The following ME3 variants were observed in gnomAD, a reference collection of about 807,000 sequenced individuals.
ME3 encodes NADP-dependent malic enzyme, mitochondrial.
In ME3, 48 loss-of-function variants were observed where a neutral mutation model predicts 68.9. The ratio of observed to expected loss-of-function variants is 0.70; its 90% CI spans 0.55 to 0.89. ME3 has a LOEUF of 0.89. Ranked by LOEUF, ME3 falls within the 40% of genes least tolerant of loss-of-function variation. The pLI is 0.00. For missense variants in ME3, 675 were observed against 797.4 expected (o/e 0.85, Z 1.85); for synonymous variants, 320 against 318.8 (o/e 1.00, Z -0.04).
chr11:86,583,778 A>G (rs1958576452), intron 2 of ME3, among the ~76,000 whole-genome samples: 1 of 152,224 alleles, frequency 6.6e-6, no homozygotes, highest in Non-Finnish European at 1.5e-5. Flanking sequence ...GTATATCCAC[A>G]TGTAAAATAA....
chr11:86,622,319 A>G (rs909924859), intron 2 of ME3, among the ~76,000 whole-genome samples: 1 of 152,044 alleles, frequency 6.6e-6, no homozygotes, highest in South Asian at 2.1e-4. Context: ...GAGTCATTTA[A>G]AAATGCATTA....
At chr11:86,484,504 C>T (rs1261541522) in intron 7 of ME3, among the ~76,000 whole-genome samples, 1 of 152,180 alleles carries the variant, frequency 6.6e-6, no homozygotes, top group Non-Finnish European at 1.5e-5. Flanking sequence ...GACGCATGCC[C>T]CTCCCCAAGG....
At chr11:86,527,443 C>T (rs988220844) in intron 4 of ME3, among the ~76,000 whole-genome samples, 1 of 152,058 alleles carries the variant, frequency 6.6e-6, no homozygotes, top group Non-Finnish European at 1.5e-5. Context: ...AATACTCTGC[C>T]GGATATTATA....
intron 2 of ME3, among the ~76,000 whole-genome samples, chr11:86,584,207 T>C (rs763650597): frequency 1.2e-4 from 19 of 152,126 alleles, no homozygotes; most frequent in Non-Finnish European, 1.9e-4. Context: ...AACAGGTATA[T>C]GAAAAGATGC....
In ME3 at chr11:86,573,620, A is replaced by C. The variant is rs565960730; in HGVS notation, c.184-13797T>G. ...CTCTCTTCCTATCTGAATACACTTT[A>C]TTTCTTTCTCTTGTCTGATTGCCCT... On this transcript the variant is annotated intron_variant, in intron 2 of 14. Coordinates refer to ENST00000543262, the Ensembl canonical transcript of ME3. Among the ~76,000 whole-genome samples, 263 of 151,852 alleles carry C rather than the reference A, an allele frequency of 1.7e-3. 1 individual carries two copies. Among genetic ancestry groups the C allele is most frequent in the Non-Finnish European group, 1.8e-3 (124 of 68,004 alleles).
intron 4 of ME3, among the ~76,000 whole-genome samples, chr11:86,538,850 C>T (rs1200776472): frequency 3.3e-5 from 5 of 152,204 alleles, no homozygotes; most frequent in Non-Finnish European, 5.9e-5. Flanking sequence ...CTACCCTGGC[C>T]AGTGGAGCCA....
intron 7 of ME3, among the ~76,000 whole-genome samples, chr11:86,470,839 A>G (rs553675945): frequency 6.6e-5 from 10 of 152,022 alleles, no homozygotes; most frequent in Non-Finnish European, 1.3e-4. Context: ...CCCTCCCCCA[A>G]TCCATCTTCC....
Position 86,617,958 on chromosome 11 carries a change from G to A in ME3, c.183+53804C>T, listed in dbSNP as rs146826714. ...CAAAGACTATAAATGAGCATGGCCAGAAACCATTATTCAATATCGGACCTG... is the reference window on the plus strand; with the variant it reads ...CAAAGACTATAAATGAGCATGGCCAAAAACCATTATTCAATATCGGACCTG... On this transcript the variant is annotated intron_variant, in intron 2 of 14. Transcript: ENST00000543262. 2.9e-3 allele frequency among the ~76,000 whole-genome samples: 441 copies of A among 152,206 alleles called. 2 individuals carry two copies. Among genetic ancestry groups the A allele is most frequent in the African/African-American group, 0.01 (430 of 41,526 alleles).
At chr11:86,571,225 A>G (rs776343406) in intron 2 of ME3, among the ~76,000 whole-genome samples, 2 of 152,226 alleles carry the variant, frequency 1.3e-5, no homozygotes, top group East Asian at 1.9e-4. Flanking sequence ...TAATTGATAC[A>G]GGATAAGTAT....
At chr11:86,572,787 A>G (rs910304370) in intron 2 of ME3, among the ~76,000 whole-genome samples, 2 of 152,224 alleles carry the variant, frequency 1.3e-5, no homozygotes, top group African/African-American at 2.4e-5. Flanking sequence ...TACTTTGGGT[A>G]TATACCCAGT....
intron 2 of ME3, among the ~76,000 whole-genome samples, chr11:86,632,163 T>C (rs1284844815): frequency 1.3e-5 from 2 of 152,198 alleles, no homozygotes; most frequent in African/African-American, 4.8e-5. Context: ...TCCAACAGCA[T>C]AGTGGTGTGG....
At chr11:86,573,612 TAC>T (rs1443787489) in intron 2 of ME3, among the ~76,000 whole-genome samples, 1 of 152,000 alleles carries the variant, frequency 6.6e-6, no homozygotes, top group Non-Finnish European at 1.5e-5. Flanking sequence ...CCTATCTGAA[TAC>T]ACTTTATTTC....
At chr11:86,627,962 T>C (rs775142485) in intron 2 of ME3, among the ~76,000 whole-genome samples, 1 of 152,192 alleles carries the variant, frequency 6.6e-6, no homozygotes, top group Non-Finnish European at 1.5e-5. Context: ...TGTCTATGCT[T>C]CCAGCTAAAG....
chr11:86,525,204 G>T (rs1253833741), intron 4 of ME3, among the ~76,000 whole-genome samples: 2 of 152,222 alleles, frequency 1.3e-5, no homozygotes, highest in Non-Finnish European at 2.9e-5. Flanking sequence ...TAAAATAGGG[G>T]CAATGAAATG....
At chr11:86,460,172 T>C (rs1950161426) in intron 8 of ME3, among the ~76,000 whole-genome samples, 1 of 152,224 alleles carries the variant, frequency 6.6e-6, no homozygotes, top group Admixed American at 6.5e-5. Flanking sequence ...CCAAAATTCC[T>C]GAGAGGCTGC....
intron 4 of ME3, among the ~76,000 whole-genome samples, chr11:86,555,884 A>G (rs1956900813): frequency 1.3e-5 from 2 of 152,242 alleles, no homozygotes; most frequent in South Asian, 4.1e-4. Flanking sequence ...TACATATACC[A>G]GGTAGCTCTT....
At chr11:86,534,244 T>C (rs1291460712) in intron 4 of ME3, among the ~76,000 whole-genome samples, 1 of 152,156 alleles carries the variant, frequency 6.6e-6, no homozygotes. Flanking sequence ...GTAGACTTTA[T>C]AACACTGTAT....
At chr11:86,610,394 C>T (rs1942474237) in intron 2 of ME3, among the ~76,000 whole-genome samples, 1 of 152,032 alleles carries the variant, frequency 6.6e-6, no homozygotes, top group African/African-American at 2.4e-5. Context: ...AACCATTACT[C>T]CTGATATTTC....
At chr11:86,581,740 A>G (rs1454831758) in intron 2 of ME3, among the ~76,000 whole-genome samples, 4 of 152,136 alleles carry the variant, frequency 2.6e-5, no homozygotes, top group South Asian at 2.1e-4. Flanking sequence ...CTACTCAGCA[A>G]TGGTACCACC....
Sources: allele counts gnomAD v4.1 joint callset (sites outside exome capture counted in the v4.1 genomes callset), GRCh38; gene constraint gnomAD v4.1.1; transcripts MANE v1.5; gene names NCBI Gene and HGNC (gene_info 2026-07-23, HGNC 2026-07-21).